The following ANKRD30B variants were observed in gnomAD, a reference collection of about 807,000 sequenced individuals.
ANKRD30B encodes ankyrin repeat domain-containing protein 30B.
Under a neutral mutation model 202.2 loss-of-function variants are expected in ANKRD30B, and 144 were observed. The ratio of observed to expected loss-of-function variants is 0.71; its 90% confidence interval spans 0.62 to 0.82. The LOEUF (loss-of-function observed/expected upper bound fraction) is 0.82. Among genes scored for constraint, ANKRD30B ranks in the 40% least tolerant of loss-of-function variants. The pLI is 0.00. For synonymous variants in ANKRD30B, 508 were observed against 561.3 expected (o/e 0.91, Z 1.34); for missense variants, 1,487 against 1,669.1 (o/e 0.89, Z 1.90).
chr18:14,852,385 A>G lies in ANKRD30B; in HGVS notation c.4441A>G (p.Ile1481Val), dbSNP rs1391048155. The G allele has an allele frequency of 3.3e-6, 5 of 1,526,734 alleles. No homozygotes were observed. In the South Asian group the frequency reaches 3.8e-5, roughly 12 times the overall value. 94.6% of individuals were successfully genotyped at this position (1,526,734 alleles called of 1,614,324 possible). A position where few individuals can be genotyped will look rare whatever the true frequency, so the allele number is the denominator to read the frequency against. Residue 1481 changes from isoleucine (I) to valine (V), a missense_variant, in exon 42 of 44, where the codon ATA becomes GTA. By Grantham distance (29) the Ile-to-Val change is conservative. Coordinates refer to ENST00000690538, the MANE Select transcript of ANKRD30B (RefSeq NM_001367607.2). ...FNYGNHLKER[I>V]DQYEKEKAER... ...TTATGGTAACCATTTAAAAGAACGTATAGATCAATATGAAAAAGAGAAAGC... is the reference window on the plus strand; with the variant it reads ...TTATGGTAACCATTTAAAAGAACGTGTAGATCAATATGAAAAAGAGAAAGC...
intron 34 of ANKRD30B, among the ~76,000 whole-genome samples, chr18:14,835,487 T>C (rs893529971): frequency 2.5e-4 from 38 of 151,656 alleles, no homozygotes; most frequent in African/African-American, 8.7e-4. Flanking sequence ...TCTTCATAAC[T>C]ATTACACCTT....
At chr18:14,830,877 T>C (rs1970889041) in intron 33 of ANKRD30B, among the ~76,000 whole-genome samples, 1 of 152,062 alleles carries the variant, frequency 6.6e-6, no homozygotes, top group Admixed American at 6.6e-5. Context: ...AATAGGTAAA[T>C]GCAATCTTTT....
At chr18:14,883,572 T>C in the ANKRD30B span, 1 of 150,144 alleles carries the variant, frequency 6.7e-6, no homozygotes. Flanking sequence ...AAATGGTGGC[T>C]GATTGCCTTC....
intron 15 of ANKRD30B, among the ~76,000 whole-genome samples, chr18:14,787,436 T>C (rs568817089): frequency 6.6e-6 from 1 of 152,216 alleles, no homozygotes; most frequent in East Asian, 1.9e-4. Context: ...AATACATGAT[T>C]CTGTCTTATA....
rs1468567384 is a variant in ANKRD30B at position 14,815,298 on chromosome 18, T to C, written c.2641+587T>C. ...ATATATGCACGGCCACACATGTATA[T>C]AATTTGTCATATACACTCCGTATAG... On this transcript the variant is annotated intron_variant, in intron 30 of 43. Transcript: ENST00000690538. Among the ~76,000 whole-genome samples, 8 of 138,478 alleles carry C rather than the reference T, an allele frequency of 5.8e-5. No individual in the cohort carries two copies. In the East Asian group the frequency reaches 1.7e-3, roughly 29 times the overall value. The allele number at this position is 138,478 out of a possible 152,430, so 90.8% of individuals were successfully genotyped here.
At chr18:14,804,763 A>G (rs1969396133) in intron 24 of ANKRD30B, among the ~76,000 whole-genome samples, 1 of 151,028 alleles carries the variant, frequency 6.6e-6, no homozygotes, top group South Asian at 2.1e-4. Context: ...ACTTCTATAC[A>G]AAGAAAAAGG....
intron 18 of ANKRD30B, among the ~76,000 whole-genome samples, chr18:14,796,761 G>C (rs190191225): frequency 7.1e-6 from 1 of 140,830 alleles, no homozygotes; most frequent in African/African-American, 2.6e-5. Flanking sequence ...TTGTCGTCCC[G>C]TAGTGCCAAC....
At chr18:14,927,535 A>G in the ANKRD30B span, among the ~76,000 whole-genome samples, 1 of 152,230 alleles carries the variant, frequency 6.6e-6, no homozygotes, top group East Asian at 1.9e-4. Flanking sequence ...GGAGGCCAGG[A>G]GGCCAAAGCA....
chr18:14,831,131 A>T (rs1359673445), intron 33 of ANKRD30B, among the ~76,000 whole-genome samples: 4 of 140,114 alleles, frequency 2.9e-5, no homozygotes, highest in African/African-American at 1.1e-4. Flanking sequence ...AGTGAGCAGA[A>T]ATCGAGCCAT....
At chr18:14,900,008 G>A in the ANKRD30B span, among the ~76,000 whole-genome samples, 3 of 152,034 alleles carry the variant, frequency 2.0e-5, no homozygotes, top group Admixed American at 2.0e-4. Flanking sequence ...CATATTTGAT[G>A]TGTTTGTGGA....
downstream of ANKRD30B, among the ~76,000 whole-genome samples, chr18:14,855,959 C>A (rs2143297196): frequency 6.6e-6 from 1 of 150,918 alleles, no homozygotes; most frequent in South Asian, 2.1e-4. Flanking sequence ...CTCCTCACCT[C>A]CCAGATGATG....
chr18:14,918,412 C>T, the ANKRD30B span, among the ~76,000 whole-genome samples: 8 of 152,238 alleles, frequency 5.3e-5, no homozygotes, highest in East Asian at 1.9e-4. Context: ...AATGTAGGAG[C>T]GTATTAATAT....
intron 20 of ANKRD30B, 140 bp downstream of exon 20, chr18:14,797,994 T>A (rs1969036589): frequency 1.4e-5 from 13 of 943,200 alleles, no homozygotes; most frequent in Non-Finnish European, 2.0e-5. Context: ...AATGTTAGTA[T>A]TTATGTTTGA....
chr18:14,818,092 T>G (rs566927555), intron 30 of ANKRD30B, among the ~76,000 whole-genome samples: 4 of 152,304 alleles, frequency 2.6e-5, no homozygotes, highest in South Asian at 2.1e-4. Context: ...TAAGCATGTT[T>G]TATTCATATT....
chr18:14,858,352 C>T (rs369761205), downstream of ANKRD30B, among the ~76,000 whole-genome samples: 6,217 of 40,800 alleles, frequency 0.15, 18 homozygotes, highest in Admixed American at 0.27. Flanking sequence ...ATGGGGCGAC[C>T]GGGAAGAGGC....
At chr18:14,932,839 T>TTGTCCCA in the ANKRD30B span, among the ~76,000 whole-genome samples, 1 of 152,214 alleles carries the variant, frequency 6.6e-6, no homozygotes, top group East Asian at 1.9e-4. Context: ...CCTGGGCTGC[T>TTGTCCCA]GGGAGGACAG....
chr18:14,885,010 A>G, the ANKRD30B span, among the ~76,000 whole-genome samples: 2 of 152,088 alleles, frequency 1.3e-5, no homozygotes, highest in African/African-American at 4.8e-5. Context: ...ATATTAAGAT[A>G]CATATTGAGA....
chr18:14,807,285 A>G (rs1969581811), intron 24 of ANKRD30B, among the ~76,000 whole-genome samples: 1 of 150,976 alleles, frequency 6.6e-6, no homozygotes. Flanking sequence ...TTCTATGTCA[A>G]AGAAATGTCT....
intron 4 of ANKRD30B, among the ~76,000 whole-genome samples, chr18:14,755,658 G>C (rs1028273652): frequency 6.6e-6 from 1 of 151,956 alleles, no homozygotes; most frequent in Non-Finnish European, 1.5e-5. Context: ...GTGGTGTTTG[G>C]TTTTTTGTCC....
Sources: allele counts gnomAD v4.1 joint callset (sites outside exome capture counted in the v4.1 genomes callset), GRCh38; gene constraint gnomAD v4.1.1; transcripts MANE v1.5; gene names NCBI Gene and HGNC (gene_info 2026-07-23, HGNC 2026-07-21).